Variants in PRKCE observed in about 807,000 individuals in gnomAD.
PRKCE encodes the protein protein kinase C epsilon type.
PRKCE carries 16 observed loss-of-function variants against 85.4 expected under a neutral mutation model. The observed-to-expected ratio is 0.19, with a 90% CI of 0.13 to 0.28. The LOEUF (loss-of-function observed/expected upper bound fraction) is 0.28. PRKCE is among the 10% of genes least tolerant of loss of function. The probability of loss-of-function intolerance (pLI) is 1.00; values close to 1 mark genes in which losing one functional copy is unlikely to be tolerated. For synonymous variants in PRKCE, 388 were observed against 371.5 expected (o/e 1.04, Z -0.51); for missense variants, 573 against 975.2 (o/e 0.59, Z 5.49).
intron 1 of PRKCE, among the ~76,000 whole-genome samples, chr2:45,739,144 A>T (rs558065508): frequency 6.6e-6 from 1 of 152,208 alleles, no homozygotes; most frequent in Admixed American, 6.5e-5. Context: ...AAATTCAACT[A>T]TTAATATTTT....
At position 45,652,465 on chromosome 2, in the gene PRKCE, C is replaced by G; in HGVS notation, c.348+17C>G. On this transcript the variant is annotated intron_variant, in intron 1 of 14. Transcript: ENST00000306156. This position sits in a 1 kb window ranked among gnomAD's most constrained non-coding sequence, Gnocchi z 7.7. ...GAGGACTGGGTGAGTGCGGCGCCTC[C>G]CCGTCATTCCGGGAACCCGGTTGTG... 1 of 1,589,712 alleles carries G rather than the reference C, an allele frequency of 6.3e-7. No homozygotes were observed. The highest frequency in any genetic ancestry group is 1.3e-5 in the African/African-American group (1 of 74,580).
chr2:45,681,105 A>G (rs960977602), intron 1 of PRKCE, among the ~76,000 whole-genome samples: 3 of 152,026 alleles, frequency 2.0e-5, no homozygotes, highest in African/African-American at 7.2e-5. Flanking sequence ...CCTGGCCAAG[A>G]TGCTAAAACC....
intron 2 of PRKCE, among the ~76,000 whole-genome samples, chr2:45,850,005 G>C (rs1692123105): frequency 6.6e-6 from 1 of 152,200 alleles, no homozygotes; most frequent in Non-Finnish European, 1.5e-5. Flanking sequence ...ACATCGCTAA[G>C]ATGCTTGATG....
intron 2 of PRKCE, among the ~76,000 whole-genome samples, chr2:45,849,304 C>T (rs1017886072): frequency 6.6e-6 from 1 of 152,114 alleles, no homozygotes; most frequent in South Asian, 2.1e-4. Context: ...ACAACTATGA[C>T]ACTGAGGCAT....
At chr2:46,072,396 G>C (rs1668155689) in intron 10 of PRKCE, among the ~76,000 whole-genome samples, 1 of 152,232 alleles carries the variant, frequency 6.6e-6, no homozygotes, top group African/African-American at 2.4e-5. Flanking sequence ...GGATTTAGCA[G>C]AGTGGAGATG....
In PRKCE at chr2:45,861,526, C is replaced by T. The variant is rs11677368; in HGVS notation, c.412+18463C>T. Among the ~76,000 whole-genome samples the T allele has an allele frequency of 2.1e-3, 313 of 152,180 alleles. 1 individual carries two copies. The highest frequency in any genetic ancestry group is 3.3e-3 in the Non-Finnish European group (225 of 68,004). On this transcript the variant is annotated intron_variant, in intron 2 of 14. Coordinates refer to ENST00000306156, the MANE Select transcript of PRKCE (RefSeq NM_005400.3). ...AATATAGAGTAGAAATGCCCTTAGC[C>T]CATTCTTCAATAAATACCTCTTCGC...
intron 2 of PRKCE, among the ~76,000 whole-genome samples, chr2:45,855,209 T>C (rs1692578449): frequency 6.6e-6 from 1 of 152,162 alleles, no homozygotes; most frequent in Non-Finnish European, 1.5e-5. Flanking sequence ...CATAAATATA[T>C]ACAAGTGGAG....
At chr2:46,109,394 A>T (rs1672045023) in intron 11 of PRKCE, among the ~76,000 whole-genome samples, 1 of 152,084 alleles carries the variant, frequency 6.6e-6, no homozygotes, top group Non-Finnish European at 1.5e-5. Context: ...TAGTTTTCTT[A>T]GTTTTCTACA....
intron 11 of PRKCE, among the ~76,000 whole-genome samples, chr2:46,091,674 C>G (rs780849538): frequency 1.3e-5 from 2 of 152,128 alleles, no homozygotes; most frequent in Admixed American, 6.5e-5. Context: ...CTCACAAAGT[C>G]GTAGGGATTT....
At chr2:46,167,419 G>T (rs1678447224) in intron 14 of PRKCE, among the ~76,000 whole-genome samples, 1 of 152,202 alleles carries the variant, frequency 6.6e-6, no homozygotes, top group African/African-American at 2.4e-5. Context: ...GACAACAGGA[G>T]CCTGAGGCCA....
chr2:46,168,826 A>G (rs1678600624), intron 14 of PRKCE, among the ~76,000 whole-genome samples: 1 of 152,084 alleles, frequency 6.6e-6, no homozygotes, highest in African/African-American at 2.4e-5. Flanking sequence ...GGGTCCTGAG[A>G]GCCTATGTCA....
intron 2 of PRKCE, among the ~76,000 whole-genome samples, chr2:45,951,439 C>G (rs1040224037): frequency 7.2e-5 from 11 of 152,238 alleles, no homozygotes; most frequent in African/African-American, 2.7e-4. Context: ...GACTTCCTCA[C>G]TGAGACTAGG....
intron 11 of PRKCE, among the ~76,000 whole-genome samples, chr2:46,135,746 C>CATTTTTTTTTTT (rs1674914564): frequency 4.8e-5 from 1 of 20,658 alleles, no homozygotes; most frequent in Non-Finnish European, 7.3e-5. Flanking sequence ...ACAAATTATG[C>CATTTTTTTTTTT]TTTTTTTTTT....
chr2:46,133,358 C>G (rs1305502511), intron 11 of PRKCE, among the ~76,000 whole-genome samples: 1 of 152,112 alleles, frequency 6.6e-6, no homozygotes, highest in Non-Finnish European at 1.5e-5. Flanking sequence ...CTGTTTCTCC[C>G]TCTGGTTTTA....
chr2:45,828,766 A>G (rs1177042747), intron 1 of PRKCE, among the ~76,000 whole-genome samples: 4 of 152,164 alleles, frequency 2.6e-5, no homozygotes, highest in African/African-American at 9.7e-5. Flanking sequence ...TTAAAGCAAA[A>G]AATTACTTAT....
At chr2:45,833,128 G>C (rs1424914359) in intron 1 of PRKCE, among the ~76,000 whole-genome samples, 4 of 122,818 alleles carry the variant, frequency 3.3e-5, no homozygotes, top group Non-Finnish European at 6.9e-5. Flanking sequence ...GACCAGCCTG[G>C]GCAACATGGC....
At chr2:45,661,245 T>C (rs138888343) in intron 1 of PRKCE, among the ~76,000 whole-genome samples, 2,194 of 149,556 alleles carry the variant, frequency 0.015, 56 homozygotes, top group African/African-American at 0.051. Context: ...TGCAGTGGCA[T>C]GATATCGGAT....
intron 11 of PRKCE, among the ~76,000 whole-genome samples, chr2:46,124,729 G>A (rs917587543): frequency 6.6e-6 from 1 of 152,152 alleles, no homozygotes; most frequent in Non-Finnish European, 1.5e-5. Context: ...TTTGAAGACT[G>A]GGCTCATTCC....
At chr2:45,789,027 T>C (rs553179190) in intron 1 of PRKCE, among the ~76,000 whole-genome samples, 6 of 152,326 alleles carry the variant, frequency 3.9e-5, no homozygotes, top group African/African-American at 1.4e-4. Context: ...GGGATTCTAA[T>C]GTGCAAGCAA....
Sources: allele counts gnomAD v4.1 joint callset (sites outside exome capture counted in the v4.1 genomes callset), GRCh38; gene constraint gnomAD v4.1.1; non-coding constraint Gnocchi (gnomAD v3.1); transcripts MANE v1.5; gene names NCBI Gene and HGNC (gene_info 2026-07-23, HGNC 2026-07-21).